Variants in ADAMTS6 observed in about 807,000 individuals in gnomAD.
ADAMTS6 encodes ADAM metallopeptidase with thrombospondin type 1 motif 6, also known as A disintegrin and metalloproteinase with thrombospondin motifs 6.
A neutral mutation model predicts 144.3 loss-of-function variants in ADAMTS6; 23 were observed. That is an observed-to-expected ratio of 0.16 (90% CI 0.11 to 0.23). The LOEUF (loss-of-function observed/expected upper bound fraction) is 0.23, where lower values mean the gene tolerates loss of function less well. Among genes scored for constraint, ADAMTS6 ranks in the 10% least tolerant of loss-of-function variants. The probability of loss-of-function intolerance (pLI) is 1.00; values close to 1 mark genes in which losing one functional copy is unlikely to be tolerated. For synonymous variants in ADAMTS6, 444 were observed against 457.5 expected, an observed-to-expected ratio of 0.97 and a Z score of 0.38; for missense variants, 999 against 1,379.6, an observed-to-expected ratio of 0.72 and a Z score of 4.37.
rs543130728 is a variant in ADAMTS6, at chr5:65,188,111, C to A, written c.2815G>T (p.Asp939Tyr). The change falls in exon 22 of 25, where the codon GAC (aspartate) becomes TAC (tyrosine). Residue 939 changes from aspartate (D) to tyrosine (Y), a missense_variant. Physicochemically the swap from Asp to Tyr is radical, Grantham distance 160 (BLOSUM62 -3). Coordinates refer to ENST00000381055, the MANE Select transcript of ADAMTS6 (RefSeq NM_197941.4). Reference protein sequence around the residue: ...KIGPSEEETLDYSGCLTHRPV... With the variant: ...KIGPSEEETLYYSGCLTHRPV... The stretch of plus-strand genomic sequence containing the variant: ...CGGTGTGTTAAACAACCACTGTAGT[C>A]CAGCGTCTCCTCCTCAGAAGGTCCG... 6.2e-7 allele frequency: 1 copy of A among 1,614,156 alleles called. No homozygotes were observed. Among genetic ancestry groups the A allele is most frequent in the East Asian group, 2.2e-5 (1 of 44,878 alleles).
intron 10 of ADAMTS6, 144 bp downstream of exon 10, chr5:65,299,841 A>G: frequency 1.2e-6 from 1 of 855,006 alleles, no homozygotes; most frequent in East Asian, 2.8e-5. Flanking sequence ...ACAATGATAT[A>G]TTAAAGTATT....
In ADAMTS6 at chr5:65,452,896, A is replaced by G; in HGVS notation, c.654T>C (p.Pro218=). ...GVSDFTRSGK[P]WWLNDTSTVS... is the part of the protein sequence containing the mutation. ...CAGTGGATGTGTCATTCAGCCACCA[A>G]GGTTTGCCACTTCTTGTGAAATCTA... is the stretch of plus-strand genomic sequence containing the variant. The change falls in exon 5 of 25, where the codon CCT becomes CCC. Residue 218 remains proline, a synonymous_variant. Transcript: ENST00000381055. 6.2e-7 allele frequency: 1 copy of G among 1,613,622 alleles called. No homozygotes were observed. The highest frequency in any genetic ancestry group is 8.5e-7 in the Non-Finnish European group (1 of 1,179,714).
chr5:65,262,208 G>A (rs1761260293), intron 13 of ADAMTS6, among the ~76,000 whole-genome samples: 1 of 152,204 alleles, frequency 6.6e-6, no homozygotes, highest in East Asian at 1.9e-4. Context: ...GGGGGACTCT[G>A]GCTGGAGAAA....
intron 12 of ADAMTS6, among the ~76,000 whole-genome samples, 194 bp from the exon 13 acceptor site, chr5:65,263,156 C>A (rs1761339253): frequency 6.6e-6 from 1 of 152,080 alleles, no homozygotes. Context: ...TTAGCTAGAC[C>A]ATGATTTATA....
At chr5:65,292,482 A>G (rs1007238963) in intron 10 of ADAMTS6, among the ~76,000 whole-genome samples, 4 of 151,844 alleles carry the variant, frequency 2.6e-5, no homozygotes, top group Non-Finnish European at 1.5e-5. Context: ...AGGACAGTAC[A>G]ATTTTTCATT....
chr5:65,407,418 A>T (rs1580631013), intron 7 of ADAMTS6, among the ~76,000 whole-genome samples: 1 of 151,418 alleles, frequency 6.6e-6, no homozygotes, highest in East Asian at 1.9e-4. Flanking sequence ...TACATGTGCC[A>T]TGTTGGTGTG....
At chr5:65,266,396 T>C (rs192694449) in intron 12 of ADAMTS6, among the ~76,000 whole-genome samples, 1 of 152,020 alleles carries the variant, frequency 6.6e-6, no homozygotes, top group East Asian at 1.9e-4. Flanking sequence ...TCATAATAGG[T>C]AATTTTATCA....
At chr5:65,378,024 T>C (rs1751713073) in intron 7 of ADAMTS6, among the ~76,000 whole-genome samples, 1 of 152,112 alleles carries the variant, frequency 6.6e-6, no homozygotes, top group Non-Finnish European at 1.5e-5. Flanking sequence ...TATGTCTTTT[T>C]TTCTTATAAG....
At chr5:65,226,308 C>T (rs532407569) in intron 15 of ADAMTS6, 89 bp from the exon 16 acceptor site, 38 of 1,347,586 alleles carry the variant, frequency 2.8e-5, no homozygotes, top group East Asian at 2.7e-4. Flanking sequence ...TTATAATTCA[C>T]GTAGACATCA....
intron 7 of ADAMTS6, among the ~76,000 whole-genome samples, chr5:65,398,801 AAAGAAAGAAAGAAAG>A (rs1465008145): frequency 4.6e-5 from 5 of 109,308 alleles, no homozygotes; most frequent in Admixed American, 8.9e-5. Context: ...AGAAAGAAAG[AAAGAAAGAAAGAAAG>A]AAAGAAAGAA....
chr5:65,211,893 T>C (rs747721899), intron 20 of ADAMTS6, among the ~76,000 whole-genome samples: 1 of 152,204 alleles, frequency 6.6e-6, no homozygotes, highest in Admixed American at 6.5e-5. Context: ...GGTGCACTTA[T>C]TGGGCCCCTA....
chr5:65,374,886 A>G (rs1385456538), intron 7 of ADAMTS6, among the ~76,000 whole-genome samples: 1 of 152,228 alleles, frequency 6.6e-6, no homozygotes, highest in Non-Finnish European at 1.5e-5. Flanking sequence ...TAACCAACAC[A>G]GCATGGCACT....
intron 14 of ADAMTS6, among the ~76,000 whole-genome samples, chr5:65,255,678 C>G (rs57202672): frequency 6.6e-6 from 1 of 151,456 alleles, no homozygotes; most frequent in African/African-American, 2.4e-5. Flanking sequence ...ATGTTCCCCT[C>G]TCTCATAGAA....
chr5:65,174,990 A>G (rs1004397641), intron 22 of ADAMTS6, among the ~76,000 whole-genome samples: 2 of 152,176 alleles, frequency 1.3e-5, no homozygotes, highest in African/African-American at 4.8e-5. Flanking sequence ...TGGGTTGGCC[A>G]TCAGAAGGAA....
chr5:65,414,243 C>T (rs1465990045), intron 7 of ADAMTS6, among the ~76,000 whole-genome samples: 14 of 152,112 alleles, frequency 9.2e-5, no homozygotes, highest in Admixed American at 9.2e-4. Context: ...TATAAAAACA[C>T]TCAGGCTTTT....
intron 20 of ADAMTS6, chr5:65,210,600 TG>T: frequency 1.6e-6 from 1 of 607,484 alleles, no homozygotes; most frequent in Non-Finnish European, 2.9e-6. Context: ...ATAAAGTTTT[TG>T]GCACCCCAAA....
At chr5:65,287,153 C>T (rs189244851) in intron 11 of ADAMTS6, among the ~76,000 whole-genome samples, 2,050 of 152,198 alleles carry the variant, frequency 0.013, 37 homozygotes, top group African/African-American at 0.045. Context: ...GACGTCCTAT[C>T]TTTTTATATA....
intron 14 of ADAMTS6, among the ~76,000 whole-genome samples, chr5:65,252,486 C>G (rs902519907): frequency 6.6e-6 from 1 of 151,740 alleles, no homozygotes; most frequent in South Asian, 2.1e-4. Context: ...CATGATCCAC[C>G]TGCCTTGGCC....
intron 7 of ADAMTS6, among the ~76,000 whole-genome samples, chr5:65,409,093 G>A (rs1220398699): frequency 6.6e-6 from 1 of 152,124 alleles, no homozygotes; most frequent in Non-Finnish European, 1.5e-5. Context: ...AAAAGAACTA[G>A]AGAAGCAAGA....
Sources: allele counts gnomAD v4.1 joint callset (sites outside exome capture counted in the v4.1 genomes callset), GRCh38; gene constraint gnomAD v4.1.1; transcripts MANE v1.5; gene names NCBI Gene and HGNC (gene_info 2026-07-23, HGNC 2026-07-21).